Variants in ACTR5 observed in about 807,000 individuals in gnomAD.
The protein encoded by ACTR5 is actin related protein 5.
Under a neutral mutation model 61.2 loss-of-function variants are expected in ACTR5, and 43 were observed. The ratio of observed to expected loss-of-function variants is 0.70; its 90% CI spans 0.55 to 0.91. The LOEUF (loss-of-function observed/expected upper bound fraction) is 0.91. ACTR5 is among the 40% of genes least tolerant of loss of function. The probability of loss-of-function intolerance (pLI) is 0.00; values close to 1 mark genes in which losing one functional copy is unlikely to be tolerated. For synonymous variants in ACTR5, 333 were observed against 310.5 expected (o/e 1.07, Z -0.76); for missense variants, 798 against 782.2 (o/e 1.02, Z -0.24).
rs1346590435 is a variant in ACTR5 at position 38,754,935 on chromosome 20, T to G, written c.776-22T>G. The G allele has an allele frequency of 1.9e-6, 3 of 1,611,268 alleles. No individual in the cohort carries two copies. The Admixed American group carries it at 5.0e-5, about 27-fold the overall frequency. On this transcript the variant is annotated intron_variant, in intron 3 of 8. Coordinates refer to ENST00000243903, the MANE Select transcript of ACTR5 (RefSeq NM_024855.4). ...GTTAATAGTGTTTCCATTTCATAAC[T>G]TTCAAAATTGTTTCTTTGAAGAATT... is the stretch of plus-strand genomic sequence containing the variant.
In ACTR5 at chr20:38,765,517, A is replaced by G; in HGVS notation, c.1292A>G (p.Gln431Arg). 1 of 1,612,296 alleles carries G rather than the reference A, an allele frequency of 6.2e-7. No homozygotes were observed. The highest frequency in any genetic ancestry group is 8.5e-7 in the Non-Finnish European group (1 of 1,178,270). Reference protein sequence around the residue: ...PGVEKPVTTVQPVFNLAAYHQ... With the variant: ...PGVEKPVTTVRPVFNLAAYHQ... ...GTGGAGAAGCCGGTCACCACTGTTC[A>G]GGTTTGACTTCTACAGCCCAGAACA... Residue 431 changes from glutamine to arginine, a missense_variant and splice_region_variant, in exon 6 of 9, where the codon CAG becomes CGG. Gln to Arg is a conservative substitution (Grantham distance 43). Transcript: ENST00000243903.
intron 1 of ACTR5, 60 bp downstream of exon 1, chr20:38,748,913 C>G: frequency 2.0e-6 from 3 of 1,532,430 alleles, no homozygotes; most frequent in South Asian, 2.5e-5. Flanking sequence ...GGTCTCGTCT[C>G]CGCTCACTCT....
chr20:38,766,025 C>A (rs1440412251), intron 6 of ACTR5, among the ~76,000 whole-genome samples: 1 of 152,132 alleles, frequency 6.6e-6, no homozygotes, highest in African/African-American at 2.4e-5. Flanking sequence ...ACTCGGGGAC[C>A]ATTTCATGAT....
intron 5 of ACTR5, among the ~76,000 whole-genome samples, chr20:38,763,546 A>G (rs2244797): frequency 0.26 from 39,337 of 152,128 alleles, 5,235 homozygotes; most frequent in Middle Eastern, 0.36. Flanking sequence ...TAAAGCCCCA[A>G]TTGTCTTATC....
rs2084378409 is a variant in ACTR5, at chr20:38,750,253, G to T, written c.605+14G>T. ...CTTAGAAGGGAGGTGAGTTGCACTTGTGGCATTTGAGTGCGATTTTGAGAA... is the reference window on the plus strand; with the variant it reads ...CTTAGAAGGGAGGTGAGTTGCACTTTTGGCATTTGAGTGCGATTTTGAGAA... On this transcript the variant is annotated intron_variant, in intron 2 of 8. Transcript: ENST00000243903. 6.2e-7 allele frequency: 1 copy of T among 1,605,998 alleles called. No individual in the cohort carries two copies.
chr20:38,758,646 CAAA>C (rs11476846), intron 5 of ACTR5, among the ~76,000 whole-genome samples: 3 of 141,604 alleles, frequency 2.1e-5, no homozygotes, highest in Admixed American at 7.0e-5. Context: ...GACCCCGTCT[CAAA>C]AAAAAAAAAA....
At chr20:38,754,337 T>C (rs1179512658) in intron 3 of ACTR5, among the ~76,000 whole-genome samples, 1 of 152,130 alleles carries the variant, frequency 6.6e-6, no homozygotes, top group Non-Finnish European at 1.5e-5. Context: ...GTAGCTGCTT[T>C]TAGTTGATTG....
chr20:38,772,020 A>G lies in ACTR5; in HGVS notation c.*204A>G. On this transcript the variant is annotated 3_prime_UTR_variant, in exon 9 of 9. Coordinates refer to ENST00000243903, the MANE Select transcript of ACTR5 (RefSeq NM_024855.4). ...CGGTTCACTTGGGGGCTTCTGTGGTAGAGACTAACTGGCCTTCTGATGTCT... is the reference window on the plus strand; with the variant it reads ...CGGTTCACTTGGGGGCTTCTGTGGTGGAGACTAACTGGCCTTCTGATGTCT... 1 of 678,086 alleles carries G rather than the reference A, an allele frequency of 1.5e-6. No homozygotes were observed. The highest frequency in any genetic ancestry group is 2.8e-5 in the East Asian group (1 of 35,694). The allele number at this position is 678,086 out of a possible 1,614,324, so 42.0% of individuals were successfully genotyped here. A position where few individuals can be genotyped will look rare whatever the true frequency, so the allele number is the denominator to read the frequency against.
At chr20:38,749,946 C>A in intron 1 of ACTR5, 64 bp from the exon 2 acceptor site, 6 of 1,458,250 alleles carry the variant, frequency 4.1e-6, no homozygotes, top group Non-Finnish European at 2.8e-6. Context: ...ATTTTGGGTT[C>A]TTTTATGCTT....
At chr20:38,754,915 T>C in intron 3 of ACTR5, 42 bp from the exon 4 acceptor site, 1 of 1,596,612 alleles carries the variant, frequency 6.3e-7, no homozygotes, top group South Asian at 1.1e-5. Flanking sequence ...GTTGTGTTAA[T>C]AGTGTTTCCA....
chr20:38,766,601 T>G (rs1291815983), intron 7 of ACTR5, among the ~76,000 whole-genome samples: 2 of 152,214 alleles, frequency 1.3e-5, no homozygotes, highest in African/African-American at 2.4e-5. Flanking sequence ...CTGGGTTGAC[T>G]GAGTAGCTTT....
chr20:38,759,922 C>T (rs2084443756), intron 5 of ACTR5, among the ~76,000 whole-genome samples: 1 of 152,010 alleles, frequency 6.6e-6, no homozygotes. Flanking sequence ...AATCCCAACA[C>T]TGAGAGGCTG....
At chr20:38,759,092 G>A (rs1160280682) in intron 5 of ACTR5, among the ~76,000 whole-genome samples, 3 of 152,210 alleles carry the variant, frequency 2.0e-5, no homozygotes, top group African/African-American at 7.2e-5. Context: ...ATAGCTACAA[G>A]CACAGCATAA....
At chr20:38,763,342 G>A (rs985784971) in intron 5 of ACTR5, among the ~76,000 whole-genome samples, 4 of 152,218 alleles carry the variant, frequency 2.6e-5, no homozygotes, top group Non-Finnish European at 5.9e-5. Flanking sequence ...CCTTTCTTGT[G>A]AGGGAAGCTG....
intron 1 of ACTR5, among the ~76,000 whole-genome samples, chr20:38,749,599 G>A: frequency 6.6e-6 from 1 of 152,196 alleles, no homozygotes; most frequent in East Asian, 1.9e-4. Flanking sequence ...TGTTTTAAAA[G>A]GATCACTATT....
chr20:38,750,719 C>G (rs1328463274), intron 2 of ACTR5, among the ~76,000 whole-genome samples: 1 of 152,070 alleles, frequency 6.6e-6, no homozygotes, highest in Non-Finnish European at 1.5e-5. Flanking sequence ...ACGTCCGCCT[C>G]CCGGGTTCAA....
chr20:38,765,362 T>A, intron 5 of ACTR5, 40 bp from the exon 6 acceptor site: 1 of 1,455,088 alleles, frequency 6.9e-7, no homozygotes, highest in Non-Finnish European at 9.7e-7. Context: ...TGAGGCCTGC[T>A]GAAGGTACAG....
chr20:38,765,289 T>C, intron 5 of ACTR5, 113 bp from the exon 6 acceptor site: 3 of 745,250 alleles, frequency 4.0e-6, no homozygotes, highest in Non-Finnish European at 4.6e-6. Context: ...ATAGTTTTTA[T>C]GTAAGGTTTT....
chr20:38,754,871 G>C (rs1274622635), intron 3 of ACTR5, 86 bp from the exon 4 acceptor site: 1 of 1,384,906 alleles, frequency 7.2e-7, no homozygotes, highest in Non-Finnish European at 1.0e-6. Context: ...TTACAGGCGT[G>C]AGCCCCTGCG....
Sources: allele counts gnomAD v4.1 joint callset (sites outside exome capture counted in the v4.1 genomes callset), GRCh38; gene constraint gnomAD v4.1.1; transcripts MANE v1.5; gene names NCBI Gene and HGNC (gene_info 2026-07-23, HGNC 2026-07-21).